The following TENM1 variants were observed in gnomAD, a reference collection of about 807,000 sequenced individuals.
TENM1 encodes teneurin-1.
A neutral mutation model predicts 174.8 loss-of-function variants in TENM1; 35 were observed. That is an observed-to-expected ratio of 0.20 (90% CI 0.15 to 0.27). TENM1 has a LOEUF of 0.27. Ranked by LOEUF, TENM1 falls within the 10% of genes least tolerant of loss-of-function variation. The pLI is 1.00. For synonymous variants in TENM1, 781 were observed against 798.7 expected (o/e 0.98, Z 0.37); for missense variants, 1,633 against 2,130.1 (o/e 0.77, Z 4.59).
chrX:124,621,894 T>C, intron 11 of TENM1, among the ~76,000 whole-genome samples: 1 of 112,397 alleles, frequency 8.9e-6, no homozygotes, highest in Non-Finnish European at 1.9e-5. Flanking sequence ...GCAAGCTAGC[T>C]TACAACTGAG....
intron 17 of TENM1, among the ~76,000 whole-genome samples, chrX:124,522,137 G>GT (rs780283174): frequency 3.6e-5 from 4 of 111,782 alleles, no homozygotes; most frequent in East Asian, 2.8e-4. Context: ...ACACTGTCTT[G>GT]TTTTTTCTCC....
At chrX:125,065,450 C>A in the TENM1 span, among the ~76,000 whole-genome samples, 1 of 111,699 alleles carries the variant, frequency 9.0e-6, no homozygotes, top group East Asian at 2.8e-4. Flanking sequence ...TGATTTGGCT[C>A]CTTTTGACTT....
At chrX:125,138,249 AT>A in the TENM1 span, among the ~76,000 whole-genome samples, 9 of 104,836 alleles carry the variant, frequency 8.6e-5, no homozygotes, top group East Asian at 3.0e-4. Context: ...GGCTCAAAAG[AT>A]TTTTTTTTTT....
the TENM1 span, among the ~76,000 whole-genome samples, chrX:125,116,070 T>C: frequency 1.8e-5 from 2 of 111,183 alleles, no homozygotes; most frequent in Admixed American, 9.6e-5. Flanking sequence ...GAATAGAACA[T>C]AGGCCTCAGA....
intron 3 of TENM1, among the ~76,000 whole-genome samples, chrX:124,780,298 A>C (rs948031810): frequency 5.3e-5 from 6 of 112,492 alleles, no homozygotes; most frequent in African/African-American, 1.9e-4. Flanking sequence ...AGTAAATTTC[A>C]CTAAGAAAAT....
the TENM1 span, among the ~76,000 whole-genome samples, chrX:124,976,552 T>C: frequency 3.6e-5 from 4 of 111,995 alleles, no homozygotes; most frequent in South Asian, 3.7e-4. Context: ...GCCTTGCTTA[T>C]ATAACAAAGA....
intron 11 of TENM1, among the ~76,000 whole-genome samples, chrX:124,606,183 T>C (rs1041802319): frequency 3.6e-5 from 4 of 111,097 alleles, no homozygotes; most frequent in Non-Finnish European, 5.7e-5. Flanking sequence ...GCAGATCTAC[T>C]GAGTCAAAAT....
chrX:124,585,366 C>G (rs1602719645), intron 11 of TENM1, among the ~76,000 whole-genome samples: 1 of 111,313 alleles, frequency 9.0e-6, no homozygotes, highest in African/African-American at 3.3e-5. Flanking sequence ...CAAACTAGAA[C>G]TCAGGATTAA....
chrX:124,409,275 C>T (rs942779639), intron 25 of TENM1, among the ~76,000 whole-genome samples: 1 of 111,563 alleles, frequency 9.0e-6, no homozygotes, highest in African/African-American at 3.3e-5. Flanking sequence ...AACTAGTTTA[C>T]AGTCCCACCA....
intron 1 of TENM1, among the ~76,000 whole-genome samples, chrX:124,931,942 T>C (rs1049557408): frequency 1.8e-5 from 2 of 110,611 alleles, no homozygotes; most frequent in African/African-American, 6.6e-5. Context: ...TTCCCCATAG[T>C]AATTGTTTCG....
chrX:124,694,667 C>A (rs1343850272), intron 5 of TENM1, among the ~76,000 whole-genome samples: 1 of 111,970 alleles, frequency 8.9e-6, no homozygotes, highest in Non-Finnish European at 1.9e-5. Flanking sequence ...ATAACACATT[C>A]ATTTGAAACA....
chrX:124,411,354 T>TGC (rs1569529896), intron 25 of TENM1, among the ~76,000 whole-genome samples: 2 of 110,864 alleles, frequency 1.8e-5, no homozygotes, highest in African/African-American at 6.6e-5. Flanking sequence ...TGTGTGTGTG[T>TGC]GCACGCACGT....
the TENM1 span, among the ~76,000 whole-genome samples, chrX:125,147,847 A>T: frequency 3.3e-4 from 37 of 111,878 alleles, no homozygotes; most frequent in Admixed American, 2.9e-3. Flanking sequence ...TGTTTTTTAC[A>T]CAAGTTGGTT....
chrX:124,968,404 T>G (rs1290152092), upstream of TENM1, among the ~76,000 whole-genome samples: 2 of 111,821 alleles, frequency 1.8e-5, no homozygotes, highest in Non-Finnish European at 3.8e-5. Flanking sequence ...AAATATGATT[T>G]ATCATGTTAA....
chrX:125,147,132 CAT>C, the TENM1 span, among the ~76,000 whole-genome samples: 1,304 of 107,398 alleles, frequency 0.012, 20 homozygotes, highest in African/African-American at 0.039. Flanking sequence ...TATATACACA[CAT>C]ATGTGTGTAT....
intron 3 of TENM1, among the ~76,000 whole-genome samples, chrX:124,767,890 T>G (rs1204028783): frequency 8.9e-6 from 1 of 111,837 alleles, no homozygotes; most frequent in Non-Finnish European, 1.9e-5. Context: ...AGCAAATTTT[T>G]ATGGATAGTT....
rs760759110 is a variant in TENM1, at chrX:124,832,565, T to C, written c.535+61731A>G. Among the ~76,000 whole-genome samples, 10 of 111,919 alleles carry C rather than the reference T, an allele frequency of 8.9e-5. No homozygotes were observed. In the South Asian group the frequency reaches 3.8e-3, roughly 42 times the overall value. On this transcript the variant is annotated intron_variant, in intron 3 of 31. Coordinates refer to ENST00000422452, the Ensembl canonical transcript of TENM1. ...AAACAGTATCTATCTCATGTAAAGATTACAGGAATTTACATATAGAAAGCC... is the reference window on the plus strand; with the variant it reads ...AAACAGTATCTATCTCATGTAAAGACTACAGGAATTTACATATAGAAAGCC...
At chrX:124,720,132 C>G (rs906206437) in intron 4 of TENM1, among the ~76,000 whole-genome samples, 1 of 111,607 alleles carries the variant, frequency 9.0e-6, no homozygotes, top group Non-Finnish European at 1.9e-5. Context: ...CCAAATCATC[C>G]GAATGGACCC....
chrX:124,421,644 G>C (rs1290300315), intron 24 of TENM1, among the ~76,000 whole-genome samples: 1 of 104,949 alleles, frequency 9.5e-6, no homozygotes, highest in Non-Finnish European at 1.9e-5. Flanking sequence ...ATTTCGATTA[G>C]AAGAAAACTT....
Sources: allele counts gnomAD v4.1 joint callset (sites outside exome capture counted in the v4.1 genomes callset), GRCh38; gene constraint gnomAD v4.1.1; transcripts MANE v1.5; gene names NCBI Gene and HGNC (gene_info 2026-07-23, HGNC 2026-07-21).